Variants in NKAIN2 observed in about 807,000 individuals in gnomAD.
NKAIN2 encodes the protein sodium/potassium-transporting ATPase subunit beta-1-interacting protein 2.
Under a neutral mutation model 32.6 loss-of-function variants are expected in NKAIN2, and 14 were observed. The observed-to-expected ratio is 0.43, with a 90% CI of 0.28 to 0.67. The LOEUF (loss-of-function observed/expected upper bound fraction) is 0.67. Among genes scored for constraint, NKAIN2 ranks in the 30% least tolerant of loss-of-function variants. NKAIN2 has a pLI of 0.17. For synonymous variants in NKAIN2, 80 were observed against 87.2 expected, an observed-to-expected ratio of 0.92 and a Z score of 0.46; for missense variants, 198 against 258.3, an observed-to-expected ratio of 0.77 and a Z score of 1.60.
intron 3 of NKAIN2, among the ~76,000 whole-genome samples, chr6:124,584,990 GA>G (rs1200265359): frequency 6.6e-6 from 1 of 152,142 alleles, no homozygotes; most frequent in Non-Finnish European, 1.5e-5. Flanking sequence ...TCAGCATACT[GA>G]AAAGATATCT....
chr6:124,584,862 T>G (rs901022165), intron 3 of NKAIN2, among the ~76,000 whole-genome samples: 1 of 152,098 alleles, frequency 6.6e-6, no homozygotes, highest in Non-Finnish European at 1.5e-5. Context: ...GTTGGGAATA[T>G]AAATTCATAC....
chr6:123,843,421 T>C (rs1035331612), intron 1 of NKAIN2, among the ~76,000 whole-genome samples: 2 of 152,156 alleles, frequency 1.3e-5, no homozygotes, highest in African/African-American at 4.8e-5. Flanking sequence ...CTCCTCTCAA[T>C]GTTCAGATGC....
chr6:124,616,423 TTTTTC>T (rs1782891408), intron 3 of NKAIN2, among the ~76,000 whole-genome samples: 1 of 144,560 alleles, frequency 6.9e-6, no homozygotes, highest in African/African-American at 2.6e-5. Flanking sequence ...TTCTTTTTTC[TTTTTC>T]TTTTCTTTCT....
chr6:124,815,175 G>A (rs1353498614), intron 5 of NKAIN2, among the ~76,000 whole-genome samples: 2 of 142,220 alleles, frequency 1.4e-5, no homozygotes, highest in Admixed American at 7.2e-5. Context: ...AGATAAACAG[G>A]AATTTAGACA....
At position 124,683,180 on chromosome 6, in the gene NKAIN2, A is replaced by T. The variant is rs75506909; in HGVS notation, c.474+24794A>T. On this transcript the variant is annotated intron_variant, in intron 4 of 6. Transcript: ENST00000368417. ...GAAATAAAATGAACCATGAGTAGAA[A>T]GTGTTAATTCACTATTTCAATCACA... is the stretch of plus-strand genomic sequence containing the variant. Among the ~76,000 whole-genome samples, 315 of 152,338 alleles carry T rather than the reference A, an allele frequency of 2.1e-3. 1 individual carries two copies. Among genetic ancestry groups the T allele is most frequent in the African/African-American group, 7.3e-3 (303 of 41,588 alleles).
intron 4 of NKAIN2, among the ~76,000 whole-genome samples, chr6:124,683,860 G>T (rs1049946075): frequency 6.6e-6 from 1 of 152,204 alleles, no homozygotes; most frequent in Admixed American, 6.5e-5. Flanking sequence ...GTTCTGGCTA[G>T]TGTGTATAGG....
chr6:124,534,026 A>G (rs1409514020), intron 3 of NKAIN2, among the ~76,000 whole-genome samples: 2 of 152,212 alleles, frequency 1.3e-5, no homozygotes, highest in African/African-American at 2.4e-5. Flanking sequence ...AGAGGTTAGG[A>G]TTTCAACGTA....
intron 4 of NKAIN2, among the ~76,000 whole-genome samples, chr6:124,694,010 C>T (rs1268760109): frequency 3.9e-5 from 6 of 152,156 alleles, no homozygotes; most frequent in Non-Finnish European, 8.8e-5. Flanking sequence ...TAAAAGCTGT[C>T]CTTGCCATAA....
chr6:124,437,987 C>A, intron 3 of NKAIN2: 1 of 407,018 alleles, frequency 2.5e-6, no homozygotes, highest in Non-Finnish European at 4.8e-6. Context: ...TCTGGAAATA[C>A]AGAGGCATGT....
intron 3 of NKAIN2, among the ~76,000 whole-genome samples, chr6:124,508,277 A>C (rs183174008): frequency 7.4e-4 from 113 of 151,984 alleles, no homozygotes; most frequent in African/African-American, 2.1e-3. Context: ...AAACCAAAAA[A>C]CAAAAAACAA....
intron 2 of NKAIN2, among the ~76,000 whole-genome samples, chr6:124,346,148 G>A (rs9372775): frequency 2.2e-4 from 34 of 152,070 alleles, no homozygotes; most frequent in African/African-American, 8.0e-4. Flanking sequence ...GCAGTTTTGA[G>A]TGAGTTTCTT....
At chr6:124,242,876 G>A (rs1014850589) in intron 1 of NKAIN2, among the ~76,000 whole-genome samples, 13 of 151,320 alleles carry the variant, frequency 8.6e-5, no homozygotes, top group African/African-American at 1.9e-4. Context: ...CATCTCACAC[G>A]GGGGCATGTC....
intron 3 of NKAIN2, among the ~76,000 whole-genome samples, chr6:124,431,330 A>C (rs1775209116): frequency 6.6e-6 from 1 of 152,176 alleles, no homozygotes; most frequent in South Asian, 2.1e-4. Context: ...CTCTCTTCAG[A>C]AAAATGACTG....
intron 1 of NKAIN2, among the ~76,000 whole-genome samples, chr6:123,897,948 T>C (rs998291734): frequency 6.6e-6 from 1 of 152,234 alleles, no homozygotes; most frequent in African/African-American, 2.4e-5. Flanking sequence ...AAAGTTTGCA[T>C]GTCCCATTGA....
At chr6:124,061,263 C>T (rs552387448) in intron 1 of NKAIN2, among the ~76,000 whole-genome samples, 86 of 152,190 alleles carry the variant, frequency 5.7e-4, no homozygotes, top group African/African-American at 1.6e-3. Context: ...AAAATATTCT[C>T]AGTAATAATG....
chr6:124,808,883 T>A (rs1421767552), intron 5 of NKAIN2, among the ~76,000 whole-genome samples: 1 of 152,162 alleles, frequency 6.6e-6, no homozygotes, highest in Non-Finnish European at 1.5e-5. Context: ...CCATTCACAA[T>A]TGCTTCAAAG....
intron 4 of NKAIN2, among the ~76,000 whole-genome samples, chr6:124,710,867 G>A (rs948224663): frequency 4.0e-5 from 6 of 150,662 alleles, no homozygotes; most frequent in East Asian, 2.0e-4. Context: ...ATTTGATCCT[G>A]TCATTATGAT....
intron 2 of NKAIN2, among the ~76,000 whole-genome samples, chr6:124,307,939 C>T (rs1288124196): frequency 6.6e-6 from 1 of 152,048 alleles, no homozygotes; most frequent in Admixed American, 6.6e-5. Context: ...TAAGTGAAAA[C>T]TGAAAGCAAC....
intron 5 of NKAIN2, among the ~76,000 whole-genome samples, chr6:124,807,974 A>G (rs1482894772): frequency 1.3e-5 from 2 of 148,272 alleles, no homozygotes; most frequent in African/African-American, 2.4e-5. Flanking sequence ...ACAGGATCTG[A>G]AATTGTGGCA....
Sources: gnomAD v4.1 joint callset for allele counts (sites outside exome capture counted in the v4.1 genomes callset) on GRCh38, gnomAD v4.1.1 for gene constraint, MANE v1.5 for transcripts, NCBI Gene and HGNC (gene_info 2026-07-23, HGNC 2026-07-21) for gene names.